CTNNA3: variants seen among roughly 807,000 people sequenced by gnomAD.
CTNNA3 encodes the protein catenin alpha-3.
In CTNNA3, 76 loss-of-function variants were observed where a neutral mutation model predicts 95.7. That is an observed-to-expected ratio of 0.79 (90% CI 0.66 to 0.96). The LOEUF (loss-of-function observed/expected upper bound fraction) is 0.96, where lower values mean the gene tolerates loss of function less well. CTNNA3 is among the 40% of genes least tolerant of loss of function. The pLI is 0.00. For missense variants in CTNNA3, 1,191 were observed against 1,089.8 expected, an observed-to-expected ratio of 1.09 and a Z score of -1.31; for synonymous variants, 431 against 374.4, an observed-to-expected ratio of 1.15 and a Z score of -1.74.
chr10:67,014,526 A>C (rs1852537566), intron 7 of CTNNA3, among the ~76,000 whole-genome samples: 1 of 152,148 alleles, frequency 6.6e-6, no homozygotes, highest in Non-Finnish European at 1.5e-5. Context: ...AATATTGGAG[A>C]AGATACTGTT....
intron 5 of CTNNA3, among the ~76,000 whole-genome samples, chr10:67,472,938 G>A (rs993177467): frequency 2.6e-5 from 4 of 152,048 alleles, no homozygotes; most frequent in Admixed American, 6.6e-5. Flanking sequence ...AGTTGATCAC[G>A]TTCCCCTTTT....
chr10:66,318,276 A>ATATGTGTGTGTGTGTGTGTGTGTG (rs33943741), intron 12 of CTNNA3, among the ~76,000 whole-genome samples: 17 of 136,658 alleles, frequency 1.2e-4, no homozygotes, highest in African/African-American at 4.6e-4. Flanking sequence ...ATATATATAT[A>ATATGTGTGTGTGTGTGTGTGTGTG]TGTGTGTGTG....
At chr10:66,067,394 C>G (rs2080335242) in intron 15 of CTNNA3, among the ~76,000 whole-genome samples, 1 of 152,116 alleles carries the variant, frequency 6.6e-6, no homozygotes, top group African/African-American at 2.4e-5. Flanking sequence ...CCCACTCAGT[C>G]TATTAACATA....
intron 2 of CTNNA3, among the ~76,000 whole-genome samples, chr10:67,646,982 C>T (rs560117404): frequency 6.6e-6 from 1 of 151,970 alleles, no homozygotes; most frequent in South Asian, 2.1e-4. Context: ...AAGGTAGTTT[C>T]CCATTTGGCA....
At chr10:66,176,972 G>A (rs905350139) in intron 13 of CTNNA3, among the ~76,000 whole-genome samples, 9 of 151,798 alleles carry the variant, frequency 5.9e-5, no homozygotes, top group East Asian at 1.9e-4. Context: ...AAAAAAAAGT[G>A]TTCTTACTTA....
At chr10:66,169,283 T>G (rs1022528749) in intron 13 of CTNNA3, among the ~76,000 whole-genome samples, 6 of 152,196 alleles carry the variant, frequency 3.9e-5, no homozygotes, top group Admixed American at 6.6e-5. Flanking sequence ...CAATTCTTGC[T>G]TTTCCATTCC....
intron 7 of CTNNA3, among the ~76,000 whole-genome samples, chr10:66,914,542 CA>C (rs34229702): frequency 0.74 from 97,770 of 132,306 alleles, 36,673 homozygotes; most frequent in Non-Finnish European, 0.84. Context: ...AGTATACCAC[CA>C]AAAAAAAAAA....
chr10:66,995,925 A>G (rs1377404811), intron 7 of CTNNA3, among the ~76,000 whole-genome samples: 1 of 152,198 alleles, frequency 6.6e-6, no homozygotes, highest in African/African-American at 2.4e-5. Flanking sequence ...TGCATTAGAC[A>G]TTGTATTCAG....
rs1328333354 is a variant in CTNNA3, at chr10:67,018,426, G to T, written c.1047+161891C>A. 5.3e-5 allele frequency among the ~76,000 whole-genome samples: 8 copies of T among 152,256 alleles called. No homozygotes were observed. The East Asian group carries it at 1.4e-3, about 26-fold the overall frequency. ...GTTATAAATGTCCAAAACCACATTT[G>T]TATTTTGCATTTCTAGTATGTTACA... On this transcript the variant is annotated intron_variant, in intron 7 of 17. Transcript: ENST00000433211.
intron 1 of CTNNA3, among the ~76,000 whole-genome samples, chr10:67,704,643 C>T (rs1281853853): frequency 6.6e-6 from 1 of 152,186 alleles, no homozygotes; most frequent in East Asian, 1.9e-4. Context: ...GGATTAAAGA[C>T]TTACATGTTA....
At chr10:67,628,863 T>C (rs1309795431) in intron 2 of CTNNA3, among the ~76,000 whole-genome samples, 2 of 151,906 alleles carry the variant, frequency 1.3e-5, no homozygotes, top group East Asian at 3.9e-4. Flanking sequence ...TTCTGATGCT[T>C]TTTTTTTCTT....
chr10:67,269,654 A>G (rs1483943409), intron 5 of CTNNA3, among the ~76,000 whole-genome samples: 1 of 152,180 alleles, frequency 6.6e-6, no homozygotes, highest in East Asian at 1.9e-4. Flanking sequence ...GCTCCTCCAA[A>G]AAAATGCAAA....
intron 5 of CTNNA3, among the ~76,000 whole-genome samples, chr10:67,226,742 A>G (rs1247337122): frequency 6.6e-6 from 1 of 152,234 alleles, no homozygotes; most frequent in East Asian, 1.9e-4. Context: ...ACCTTGAAAC[A>G]AATCCTAGAA....
chr10:67,062,562 A>T (rs749753159), intron 7 of CTNNA3, among the ~76,000 whole-genome samples: 4 of 152,012 alleles, frequency 2.6e-5, no homozygotes, highest in Non-Finnish European at 5.9e-5. Context: ...GCATTAAGGC[A>T]GGCAAACTTA....
chr10:67,006,255 T>C (rs73324999), intron 7 of CTNNA3, among the ~76,000 whole-genome samples: 2 of 152,082 alleles, frequency 1.3e-5, no homozygotes, highest in African/African-American at 4.8e-5. Context: ...AAAGCTGTAC[T>C]CTCTTCTCTA....
chr10:67,237,522 A>G (rs1214720929), intron 5 of CTNNA3, among the ~76,000 whole-genome samples: 1 of 151,976 alleles, frequency 6.6e-6, no homozygotes, highest in Admixed American at 6.6e-5. Context: ...CTATTCCCCA[A>G]TAACTTATGG....
chr10:67,505,667 A>G (rs1839406934), intron 5 of CTNNA3, among the ~76,000 whole-genome samples: 1 of 152,258 alleles, frequency 6.6e-6, no homozygotes, highest in African/African-American at 2.4e-5. Context: ...AGTACTCCGT[A>G]TCAACAATCA....
intron 5 of CTNNA3, among the ~76,000 whole-genome samples, chr10:67,368,259 G>A (rs1171371565): frequency 6.6e-6 from 1 of 152,196 alleles, no homozygotes; most frequent in African/African-American, 2.4e-5. Context: ...CACGTGAGAT[G>A]TTTAACATCA....
At chr10:67,235,068 C>G (rs952094033) in intron 5 of CTNNA3, among the ~76,000 whole-genome samples, 2 of 147,740 alleles carry the variant, frequency 1.4e-5, no homozygotes, top group Non-Finnish European at 3.0e-5. Context: ...GAATCAATAT[C>G]GTGAAAATGG....
Sources: allele counts gnomAD v4.1 joint callset (sites outside exome capture counted in the v4.1 genomes callset), GRCh38; gene constraint gnomAD v4.1.1; transcripts MANE v1.5; gene names NCBI Gene and HGNC (gene_info 2026-07-23, HGNC 2026-07-21).